Variants in BLTP1 observed in about 807,000 individuals in gnomAD.
BLTP1 encodes the protein fragile site-associated protein.
the BLTP1 span, among the ~76,000 whole-genome samples, chr4:122,261,048 G>A: frequency 6.6e-6 from 1 of 152,152 alleles, no homozygotes; most frequent in Non-Finnish European, 1.5e-5. Flanking sequence ...AGTTAAGAGA[G>A]TCTCTGGGAA....
At chr4:122,173,132 A>G in the BLTP1 span, 1 of 1,611,910 alleles carries the variant, frequency 6.2e-7, no homozygotes, top group Non-Finnish European at 8.5e-7. Flanking sequence ...AGATTATACA[A>G]GCATGGCTAT....
chr4:122,254,656 G>A, the BLTP1 span: 40 of 1,153,976 alleles, frequency 3.5e-5, no homozygotes, highest in South Asian at 1.2e-3. Context: ...ACATTTCTTA[G>A]TTATGCTTTC....
At chr4:122,356,652 T>A in the BLTP1 span, 1 of 1,613,740 alleles carries the variant, frequency 6.2e-7, no homozygotes, top group Non-Finnish European at 8.5e-7. Flanking sequence ...TAGAATGTAG[T>A]GTGGTGACAG....
the BLTP1 span, among the ~76,000 whole-genome samples, chr4:122,337,367 G>A: frequency 6.6e-6 from 1 of 152,034 alleles, no homozygotes; most frequent in South Asian, 2.1e-4. Flanking sequence ...GGGTAAAACC[G>A]TCTAATACAA....
chr4:122,271,839 G>A, the BLTP1 span: 1 of 758,838 alleles, frequency 1.3e-6, no homozygotes, highest in Non-Finnish European at 2.1e-6. Flanking sequence ...TTGAAATGGA[G>A]AGAAATTGTC....
the BLTP1 span, chr4:122,271,578 ATGACTC>A: frequency 6.2e-7 from 1 of 1,613,516 alleles, no homozygotes; most frequent in South Asian, 1.1e-5. Context: ...ATTCATATGG[ATGACTC>A]TGATTCAATT....
At chr4:122,289,087 G>T in the BLTP1 span, 2 of 1,606,422 alleles carry the variant, frequency 1.2e-6, no homozygotes, top group Non-Finnish European at 1.7e-6. Flanking sequence ...TGTCTGGCAG[G>T]TTGGTTCCTT....
At chr4:122,255,280 A>C in the BLTP1 span, 3 of 1,587,392 alleles carry the variant, frequency 1.9e-6, no homozygotes, top group South Asian at 2.2e-5. Flanking sequence ...ATGATGCTAC[A>C]ATGGTAAGTT....
the BLTP1 span, chr4:122,173,303 C>G: frequency 4.9e-6 from 4 of 811,816 alleles, no homozygotes; most frequent in African/African-American, 1.7e-5. Flanking sequence ...TGGGAAGTCC[C>G]AAGTTGAGGG....
chr4:122,302,391 T>G, the BLTP1 span: 15 of 215,734 alleles, frequency 7.0e-5, no homozygotes, highest in Non-Finnish European at 1.1e-4. Context: ...ATAGCATATA[T>G]TCACTTTCTG....
chr4:122,240,435 C>T, the BLTP1 span: 76 of 1,214,282 alleles, frequency 6.3e-5, no homozygotes, highest in Admixed American at 1.2e-4. Flanking sequence ...TAATTACTCT[C>T]ATTCTTTTTA....
At chr4:122,262,057 G>C in the BLTP1 span, 1 of 939,172 alleles carries the variant, frequency 1.1e-6, no homozygotes, top group South Asian at 4.9e-5. Context: ...AAAATGCAGG[G>C]AAGGTTGCTG....
the BLTP1 span, chr4:122,287,790 A>G: frequency 2.7e-6 from 2 of 741,962 alleles, no homozygotes; most frequent in Admixed American, 6.3e-5. Context: ...ACGAAAAAAT[A>G]GTGTTCAGAT....
the BLTP1 span, chr4:122,266,703 A>G: frequency 7.7e-7 from 1 of 1,295,874 alleles, no homozygotes; most frequent in Non-Finnish European, 1.0e-6. Context: ...AAGAAATAAA[A>G]GCTGCATTTT....
chr4:122,236,652 C>A, the BLTP1 span: 4 of 593,148 alleles, frequency 6.7e-6, no homozygotes, highest in Non-Finnish European at 6.4e-6. Context: ...ATAAAGATTG[C>A]TTGATTTTCA....
chr4:122,160,607 A>G, the BLTP1 span, among the ~76,000 whole-genome samples: 1 of 152,242 alleles, frequency 6.6e-6, no homozygotes, highest in African/African-American at 2.4e-5. Context: ...CATCTGCCTG[A>G]GGCTTGGTTA....
At chr4:122,272,796 A>G in the BLTP1 span, among the ~76,000 whole-genome samples, 4 of 152,066 alleles carry the variant, frequency 2.6e-5, no homozygotes, top group African/African-American at 4.8e-5. Context: ...TCTCTATAAA[A>G]AGAAGTCCCT....
chr4:122,207,043 T>C, the BLTP1 span: 2 of 1,439,686 alleles, frequency 1.4e-6, no homozygotes, highest in Non-Finnish European at 1.9e-6. Flanking sequence ...TGTTAGAAAA[T>C]CTGTGTTTTA....
chr4:122,239,560 C>T, the BLTP1 span: 2 of 1,612,006 alleles, frequency 1.2e-6, no homozygotes, highest in Non-Finnish European at 1.7e-6. Flanking sequence ...TCTCCTAATA[C>T]TCAGGATAAG....
Sources: gnomAD v4.1 joint callset for allele counts (sites outside exome capture counted in the v4.1 genomes callset) on GRCh38, gnomAD v4.1.1 for gene constraint, MANE v1.5 for transcripts, NCBI Gene and HGNC (gene_info 2026-07-23, HGNC 2026-07-21) for gene names.